The following LUZP2 variants were observed in gnomAD, a reference collection of about 807,000 sequenced individuals.
The protein encoded by LUZP2 is leucine zipper protein 2.
Under a neutral mutation model 51.6 loss-of-function variants are expected in LUZP2, and 52 were observed. The observed-to-expected ratio is 1.01, with a 90% CI of 0.81 to 1.27. The LOEUF (loss-of-function observed/expected upper bound fraction) is 1.27. Ranked by LOEUF, LUZP2 falls within the 50% of genes most tolerant of loss-of-function variation. The pLI, the probability that LUZP2 is intolerant of heterozygous loss-of-function variation, is 0.00. For missense variants in LUZP2, 436 were observed against 395.4 expected (o/e 1.10, Z -0.87); for synonymous variants, 154 against 137.3 (o/e 1.12, Z -0.85).
chr11:24,687,543 T>C (rs1856932671), intron 1 of LUZP2, among the ~76,000 whole-genome samples: 1 of 152,216 alleles, frequency 6.6e-6, no homozygotes, highest in Admixed American at 6.5e-5. Flanking sequence ...ACAGAGCCGC[T>C]AAGAAGCGGA....
rs77581650 is a variant in LUZP2, at chr11:24,505,207, G to C, written c.62+7902G>C. ...CCTCCAGAGGGTTATGATGGTTTCT[G>C]ACCTTCAGATTCTGATTCAAAACAT... On this transcript the variant is annotated intron_variant, in intron 1 of 11. Coordinates refer to ENST00000336930, the MANE Select transcript of LUZP2 (RefSeq NM_001009909.4). Among the ~76,000 whole-genome samples the C allele has an allele frequency of 5.6e-3, 846 of 152,142 alleles. 7 individuals are homozygous for C. The highest frequency in any genetic ancestry group is 0.02 in the African/African-American group (818 of 41,512).
chr11:24,626,322 G>A (rs1038702022), intron 1 of LUZP2, among the ~76,000 whole-genome samples: 1 of 152,136 alleles, frequency 6.6e-6, no homozygotes, highest in Non-Finnish European at 1.5e-5. Context: ...AAACAAAAAT[G>A]CAGAAACTAT....
chr11:25,039,043 A>G (rs1016359988), intron 9 of LUZP2, among the ~76,000 whole-genome samples: 4 of 152,140 alleles, frequency 2.6e-5, no homozygotes, highest in African/African-American at 9.7e-5. Context: ...CTGTGGTGTA[A>G]ATAGGAGAGA....
intron 9 of LUZP2, among the ~76,000 whole-genome samples, chr11:25,025,136 A>G (rs933292299): frequency 6.6e-6 from 1 of 152,300 alleles, no homozygotes; most frequent in East Asian, 1.9e-4. Context: ...ACCTTATACA[A>G]AAATTAATTC....
chr11:24,534,162 T>C (rs1158057449), intron 1 of LUZP2, among the ~76,000 whole-genome samples: 1 of 151,368 alleles, frequency 6.6e-6, no homozygotes, highest in Admixed American at 6.6e-5. Flanking sequence ...TTTTAAGTTG[T>C]TTCATCAAGT....
intron 5 of LUZP2, among the ~76,000 whole-genome samples, chr11:24,801,824 C>T (rs1019826670): frequency 6.7e-6 from 1 of 150,352 alleles, no homozygotes; most frequent in African/African-American, 2.4e-5. Context: ...ATACTTGGCT[C>T]TACCACTTAA....
intron 1 of LUZP2, among the ~76,000 whole-genome samples, chr11:24,571,022 C>T (rs187662817): frequency 6.6e-6 from 1 of 152,104 alleles, no homozygotes; most frequent in African/African-American, 2.4e-5. Context: ...GACAGCAATA[C>T]TATGTGGATG....
intron 4 of LUZP2, among the ~76,000 whole-genome samples, chr11:24,744,209 G>A (rs1315085247): frequency 1.3e-5 from 2 of 152,082 alleles, no homozygotes; most frequent in South Asian, 2.1e-4. Flanking sequence ...TTGGTAATAG[G>A]GTGATGCTGG....
intron 4 of LUZP2, among the ~76,000 whole-genome samples, chr11:24,751,167 C>A (rs1859570340): frequency 6.6e-6 from 1 of 151,882 alleles, no homozygotes; most frequent in Non-Finnish European, 1.5e-5. Context: ...ACTCATTCCC[C>A]CAAATGATAA....
At chr11:24,751,613 A>C (rs971302196) in intron 4 of LUZP2, 2 of 980,932 alleles carry the variant, frequency 2.0e-6, no homozygotes, top group Non-Finnish European at 2.4e-6. Context: ...TATGCTTTCA[A>C]AGTTTTCTAT....
chr11:24,737,096 G>A (rs1858971722), intron 3 of LUZP2, among the ~76,000 whole-genome samples: 1 of 152,062 alleles, frequency 6.6e-6, no homozygotes, highest in Non-Finnish European at 1.5e-5. Context: ...CATGGTCAGA[G>A]AATGAACATA....
chr11:24,540,607 G>A (rs971391807), intron 1 of LUZP2, among the ~76,000 whole-genome samples: 1 of 152,098 alleles, frequency 6.6e-6, no homozygotes, highest in African/African-American at 2.4e-5. Context: ...GAACCACTCA[G>A]TGTGTGGTAT....
intron 5 of LUZP2, among the ~76,000 whole-genome samples, chr11:24,814,853 G>T (rs1255768169): frequency 1.3e-5 from 2 of 152,038 alleles, no homozygotes; most frequent in East Asian, 1.9e-4. Flanking sequence ...TTAGCCAGGC[G>T]TGGCGGTGTG....
chr11:24,570,499 T>A (rs1852397920), intron 1 of LUZP2, among the ~76,000 whole-genome samples: 1 of 152,082 alleles, frequency 6.6e-6, no homozygotes. Flanking sequence ...CATCTTGATT[T>A]CAATTTTGAA....
At chr11:24,675,682 TC>T (rs775217053) in intron 1 of LUZP2, among the ~76,000 whole-genome samples, 14 of 152,018 alleles carry the variant, frequency 9.2e-5, no homozygotes, top group Non-Finnish European at 1.9e-4. Context: ...AAAAACAATT[TC>T]ACTATTTGAA....
chr11:24,956,963 A>C lies in LUZP2; in HGVS notation c.523-19628A>C, dbSNP rs529488350. Among the ~76,000 whole-genome samples, 3 of 152,296 alleles carry C rather than the reference A, an allele frequency of 2.0e-5. No homozygotes were observed. In the South Asian group the frequency reaches 6.2e-4, roughly 32 times the overall value. ...ATACAAACACCAACATTTTTGCTAA[A>C]GTAATATTCCACAGAAGTCATAAAA... On this transcript the variant is annotated intron_variant, in intron 7 of 11. Transcript: ENST00000336930.
intron 9 of LUZP2, among the ~76,000 whole-genome samples, chr11:25,004,362 A>G (rs1856776752): frequency 6.6e-6 from 1 of 152,118 alleles, no homozygotes; most frequent in African/African-American, 2.4e-5. Context: ...CTGAACCACC[A>G]AGGTTTGTTT....
intron 1 of LUZP2, among the ~76,000 whole-genome samples, chr11:24,503,136 T>C (rs1281742491): frequency 6.6e-6 from 1 of 152,242 alleles, no homozygotes; most frequent in Non-Finnish European, 1.5e-5. Context: ...AAGTCAGTTT[T>C]AAAATAGCTT....
chr11:24,724,055 G>A (rs1387999066), intron 1 of LUZP2, among the ~76,000 whole-genome samples: 1 of 152,000 alleles, frequency 6.6e-6, no homozygotes, highest in Non-Finnish European at 1.5e-5. Flanking sequence ...GTAATGAATG[G>A]GTGCCGTCAA....
Sources: gnomAD v4.1 joint callset for allele counts (sites outside exome capture counted in the v4.1 genomes callset) on GRCh38, gnomAD v4.1.1 for gene constraint, MANE v1.5 for transcripts, NCBI Gene and HGNC (gene_info 2026-07-23, HGNC 2026-07-21) for gene names.